The following ASTN1 variants were observed in gnomAD, a reference collection of about 807,000 sequenced individuals.
ASTN1 encodes the protein astrotactin-1.
ASTN1 carries 41 observed loss-of-function variants against 140.7 expected under a neutral mutation model. The observed-to-expected ratio is 0.29, with a 90% CI of 0.23 to 0.38. ASTN1 has a LOEUF of 0.38. Among genes scored for constraint, ASTN1 ranks in the 10% least tolerant of loss-of-function variants. The pLI is 1.00. For missense variants in ASTN1, 1,479 were observed against 1,678.8 expected (o/e 0.88, Z 2.08); for synonymous variants, 640 against 652.2 (o/e 0.98, Z 0.29).
intron 8 of ASTN1, among the ~76,000 whole-genome samples, chr1:177,008,405 G>A (rs1215314032): frequency 1.3e-5 from 2 of 151,230 alleles, no homozygotes; most frequent in East Asian, 3.9e-4. Flanking sequence ...GGAAGAGAGA[G>A]AGGAGAGGAA....
In ASTN1 at chr1:177,152,808, C is replaced by A. The variant is rs960462476; in HGVS notation, c.283+11586G>T. Among the ~76,000 whole-genome samples the A allele has an allele frequency of 4.6e-5, 7 of 151,924 alleles. 1 individual carries two copies. In the South Asian group the frequency reaches 1.5e-3, roughly 32 times the overall value. ...AAGAATAGCAGCAAAGGGTGACTAGCCCTATGAGATATGAAAACACATTAC... is the reference window on the plus strand; with the variant it reads ...AAGAATAGCAGCAAAGGGTGACTAGACCTATGAGATATGAAAACACATTAC... On this transcript the variant is annotated intron_variant, in intron 1 of 22. Coordinates refer to ENST00000361833, the MANE Select transcript of ASTN1 (RefSeq NM_004319.3).
chr1:176,881,729 T>C (rs906824214), intron 20 of ASTN1, among the ~76,000 whole-genome samples: 6 of 152,216 alleles, frequency 3.9e-5, no homozygotes, highest in African/African-American at 1.4e-4. Context: ...AGAATGTCAC[T>C]TGTGTTTATG....
chr1:176,979,115 G>C (rs1439837370), intron 8 of ASTN1, among the ~76,000 whole-genome samples: 1 of 152,124 alleles, frequency 6.6e-6, no homozygotes, highest in Non-Finnish European at 1.5e-5. Context: ...ATGGTGAAGG[G>C]GAGCCTCTCT....
intron 15 of ASTN1, among the ~76,000 whole-genome samples, chr1:176,935,779 C>A (rs1671417283): frequency 6.6e-6 from 1 of 151,934 alleles, no homozygotes; most frequent in Non-Finnish European, 1.5e-5. Flanking sequence ...CTCTCTCTCT[C>A]TCTTTCTCTC....
Position 177,164,542 on chromosome 1 carries a change from C to T in ASTN1, c.135G>A (p.Leu45=). The T allele has an allele frequency of 6.2e-7, 1 of 1,613,972 alleles. No individual in the cohort carries two copies. The highest frequency in any genetic ancestry group is 8.5e-7 in the Non-Finnish European group (1 of 1,179,950). ...TCAGGTCGTTCTCGCGCAGGAAGGG[C>T]AGTGCCGACACCGTGATGCTTTTGA... ...CKLKSITVSA[L]PFLRENDLSI... is the part of the protein sequence containing the mutation. Residue 45 remains leucine, a synonymous_variant, in exon 1 of 23, where the codon CTG becomes CTA. Coordinates refer to ENST00000361833, the MANE Select transcript of ASTN1 (RefSeq NM_004319.3).
At chr1:176,961,992 C>T (rs1160120077) in intron 9 of ASTN1, among the ~76,000 whole-genome samples, 3 of 152,202 alleles carry the variant, frequency 2.0e-5, no homozygotes, top group Non-Finnish European at 4.4e-5. Flanking sequence ...AGTGCTCTCA[C>T]AGAACAAGGC....
At chr1:176,889,578 C>T (rs1669179676) in intron 17 of ASTN1, among the ~76,000 whole-genome samples, 1 of 152,206 alleles carries the variant, frequency 6.6e-6, no homozygotes, top group Admixed American at 6.5e-5. Flanking sequence ...TCCATTCTTT[C>T]AGAACTTTAC....
chr1:177,148,900 A>G (rs1682842759), intron 1 of ASTN1, among the ~76,000 whole-genome samples: 1 of 151,536 alleles, frequency 6.6e-6, no homozygotes, highest in Non-Finnish European at 1.5e-5. Flanking sequence ...GAGAGGGTAC[A>G]CAAGTAAGTA....
chr1:177,164,404 G>T lies in ASTN1; in HGVS notation c.273C>A (p.Tyr91Ter). The change falls in exon 1 of 23, where the codon TAC (tyrosine) becomes TAA (stop). Residue 91 changes from tyrosine to a stop codon, truncating the protein, a stop_gained. Transcript: ENST00000361833. LOFTEE classifies it high-confidence loss of function. ...TCCCCCGGGACTCACCCAGCACGAA[G>T]TAGGGCAGCTCCGTGTTCTCCAGGT... ...VDDLENTELP[Y>*]FVLEISGNTE... 6.2e-7 allele frequency: 1 copy of T among 1,605,112 alleles called. No homozygotes were observed. Among genetic ancestry groups the T allele is most frequent in the Non-Finnish European group, 8.5e-7 (1 of 1,175,092 alleles).
At chr1:176,878,746 G>T (rs1668668545) in intron 20 of ASTN1, among the ~76,000 whole-genome samples, 1 of 152,006 alleles carries the variant, frequency 6.6e-6, no homozygotes, top group Non-Finnish European at 1.5e-5. Flanking sequence ...GGCGCCCAAA[G>T]GTACCACTCT....
rs146145502 is a variant in ASTN1, at chr1:177,119,070, C to T, written c.283+45324G>A. The stretch of plus-strand genomic sequence containing the variant: ...TTCACTGGGAAGCCTTCCCAATTCC[C>T]TGCCAAATTAAGCTGCACCCACCTC... On this transcript the variant is annotated intron_variant, in intron 1 of 22. Coordinates refer to ENST00000361833, the MANE Select transcript of ASTN1 (RefSeq NM_004319.3). 7.2e-4 allele frequency among the ~76,000 whole-genome samples: 109 copies of T among 152,282 alleles called. No individual in the cohort carries two copies. The East Asian group carries it at 0.017, about 23-fold the overall frequency.
chr1:176,914,097 T>C (rs1263414908), intron 16 of ASTN1, among the ~76,000 whole-genome samples: 1 of 152,184 alleles, frequency 6.6e-6, no homozygotes, highest in Non-Finnish European at 1.5e-5. Flanking sequence ...TATATGAATC[T>C]CAGTGGTTGG....
chr1:176,871,391 G>C (rs2103014884), intron 21 of ASTN1, among the ~76,000 whole-genome samples: 1 of 152,310 alleles, frequency 6.6e-6, no homozygotes, highest in Non-Finnish European at 1.5e-5. Context: ...GTGCCAATCT[G>C]TGCCTACTTC....
At chr1:176,937,841 C>T (rs547656941) in intron 14 of ASTN1, among the ~76,000 whole-genome samples, 46 of 152,222 alleles carry the variant, frequency 3.0e-4, no homozygotes, top group African/African-American at 1.1e-3. Context: ...CCTGCCATTT[C>T]GACCCATGTT....
At chr1:176,942,652 A>G (rs1671767808) in intron 14 of ASTN1, among the ~76,000 whole-genome samples, 1 of 151,250 alleles carries the variant, frequency 6.6e-6, no homozygotes, top group Admixed American at 6.6e-5. Context: ...AGATAATTGC[A>G]TATCTGATTG....
chr1:177,121,608 T>C (rs1681391890), intron 1 of ASTN1, among the ~76,000 whole-genome samples: 1 of 152,120 alleles, frequency 6.6e-6, no homozygotes, highest in African/African-American at 2.4e-5. Flanking sequence ...TTACTACCAT[T>C]AGCACACAAA....
chr1:177,059,347 C>A (rs1036919186), intron 2 of ASTN1, among the ~76,000 whole-genome samples: 1 of 152,140 alleles, frequency 6.6e-6, no homozygotes, highest in Non-Finnish European at 1.5e-5. Flanking sequence ...AGCTGACCTG[C>A]CTGAATCCTA....
intron 2 of ASTN1, among the ~76,000 whole-genome samples, chr1:177,054,746 T>C (rs1372306826): frequency 6.6e-6 from 1 of 152,192 alleles, no homozygotes; most frequent in Non-Finnish European, 1.5e-5. Context: ...GGACAGGTCA[T>C]GAGTGAGGTG....
intron 8 of ASTN1, among the ~76,000 whole-genome samples, chr1:176,992,762 A>G (rs945197706): frequency 6.6e-6 from 1 of 152,156 alleles, no homozygotes; most frequent in Non-Finnish European, 1.5e-5. Context: ...ACTCCAGTGG[A>G]CCCATCAATC....
Sources: allele counts gnomAD v4.1 joint callset (sites outside exome capture counted in the v4.1 genomes callset), GRCh38; gene constraint gnomAD v4.1.1; transcripts MANE v1.5; gene names NCBI Gene and HGNC (gene_info 2026-07-23, HGNC 2026-07-21).